The following GFAP variants were observed in gnomAD, a reference collection of about 807,000 sequenced individuals.
GFAP encodes the protein glial fibrillary acidic protein, also known as intermediate filament protein.
A neutral mutation model predicts 49.3 loss-of-function variants in GFAP; 38 were observed. The ratio of observed to expected loss-of-function variants is 0.77; its 90% confidence interval spans 0.60 to 1.01. GFAP has a LOEUF of 1.01. Among genes scored for constraint, GFAP ranks in the 50% least tolerant of loss-of-function variants. The pLI is 0.00. For synonymous variants in GFAP, 222 were observed against 236.4 expected (o/e 0.94, Z 0.56); for missense variants, 463 against 579.1 (o/e 0.80, Z 2.06).
chr17:44,908,334 C>CCCAAGTCCTGGCTGCTCTGTCCAGT lies in GFAP; in HGVS notation c.1172-186_1172-185insACTGGACAGAGCAGCCAGGACTTGG, dbSNP rs68037627. ...CCCCCAAATCCCAATAGTGCTGCTG[C>CCCAAGTCCTGGCTGCTCTGTCCAGT]CAGAGTCCTGGCTGCTCTGTCTTCT... On this transcript the variant is annotated intron_variant, in intron 7 of 8. Transcript: ENST00000588735. The CCCAAGTCCTGGCTGCTCTGTCCAGT allele has an allele frequency of 0.27, 150,442 of 565,012 alleles. 20,859 individuals are homozygous for CCCAAGTCCTGGCTGCTCTGTCCAGT. The highest frequency in any genetic ancestry group is 0.28 in the South Asian group (12,617 of 44,888). The allele number at this position is 565,012 out of a possible 1,614,324, so 35.0% of individuals were successfully genotyped here. A position where few individuals can be genotyped will look rare whatever the true frequency, so the allele number is the denominator to read the frequency against.
rs60238918 is a variant in GFAP at position 44,903,746 on chromosome 17, C to G, written c.*3601G>C. 2.5e-5 allele frequency: 36 copies of G among 1,459,726 alleles called. No individual in the cohort carries two copies. In the East Asian group the frequency reaches 8.4e-4, roughly 34 times the overall value. The allele number at this position is 1,459,726 out of a possible 1,614,324, so 90.4% of individuals were successfully genotyped here. A position where few individuals can be genotyped will look rare whatever the true frequency, so the allele number is the denominator to read the frequency against. ...AATCCTTTCCTCATCTAGAGGCTTC[C>G]GCTTAGCAGAGCTTTCTAGGAGCCC... On this transcript the variant is annotated 3_prime_UTR_variant, in exon 9 of 9. Coordinates refer to ENST00000588735, the MANE Select transcript of GFAP (RefSeq NM_002055.5).
chr17:44,915,006 C>G lies in GFAP; in HGVS notation c.461+20G>C, dbSNP rs757812650. The G allele has an allele frequency of 1.3e-6, 2 of 1,598,480 alleles. No individual in the cohort carries two copies. The highest frequency in any genetic ancestry group is 1.1e-5 in the South Asian group (1 of 90,570). On this transcript the variant is annotated intron_variant, in intron 1 of 8. Coordinates refer to ENST00000588735, the MANE Select transcript of GFAP (RefSeq NM_002055.5). The surrounding 1 kb of genome is among the most constrained non-coding windows in gnomAD (Gnocchi z 4.1). ...AGCCCCTTCTGCTCACAAGGCCCCCCTTCCCCATCCCCTCCTCACTTCTGC... is the reference window on the plus strand; with the variant it reads ...AGCCCCTTCTGCTCACAAGGCCCCCGTTCCCCATCCCCTCCTCACTTCTGC...
chr17:44,907,226 A>G lies in GFAP; in HGVS notation c.*121T>C. 1 of 889,278 alleles carries G rather than the reference A, an allele frequency of 1.1e-6. No homozygotes were observed. The highest frequency in any genetic ancestry group is 1.9e-6 in the Non-Finnish European group (1 of 533,850). The allele number at this position is 889,278 out of a possible 1,614,324, so 55.1% of individuals were successfully genotyped here. The stretch of plus-strand genomic sequence containing the variant: ...GACCTAGGGACAGAGGAGGGAGGGG[A>G]GCAGCTGGGGTGGTGGGGAGCTCAG... On this transcript the variant is annotated 3_prime_UTR_variant, in exon 9 of 9. Coordinates refer to ENST00000588735, the MANE Select transcript of GFAP (RefSeq NM_002055.5).
At chr17:44,908,261 A>G (rs759501770) in intron 7 of GFAP, 112 bp from the exon 8 acceptor site, 2 of 760,744 alleles carry the variant, frequency 2.6e-6, no homozygotes, top group Non-Finnish European at 2.4e-6. Context: ...ATGAGAACCT[A>G]TGCAACCGAG....
intron 7 of GFAP, chr17:44,910,265 A>G: frequency 6.2e-7 from 1 of 1,613,884 alleles, no homozygotes; most frequent in Non-Finnish European, 8.5e-7. Flanking sequence ...TGCCCCCTGT[A>G]GTGACAAGCA....
rs961985966 is a variant in GFAP, at chr17:44,910,440, T to G, written c.1171+175A>C. 3.8e-6 allele frequency: 6 copies of G among 1,575,282 alleles called. No homozygotes were observed. The African/African-American group carries it at 4.1e-5, about 11-fold the overall frequency. On this transcript the variant is annotated intron_variant, in intron 7 of 8. Transcript: ENST00000588735. ...GACAGGGGCAGCTGCAAGCCCCACC[T>G]AGAAGTACCCTGGTATGATAGGCTC... is the stretch of plus-strand genomic sequence containing the variant.
chr17:44,914,388 C>T, intron 1 of GFAP: 1 of 433,352 alleles, frequency 2.3e-6, no homozygotes, highest in South Asian at 3.2e-5. Flanking sequence ...CACACACGCA[C>T]ATGTCCTCCT....
Position 44,903,727 on chromosome 17 carries a change from T to A in GFAP, c.*3620A>T. 1 of 1,448,032 alleles carries A rather than the reference T, an allele frequency of 6.9e-7. No individual in the cohort carries two copies. 89.7% of individuals were successfully genotyped at this position (1,448,032 alleles called of 1,614,324 possible). On this transcript the variant is annotated 3_prime_UTR_variant, in exon 9 of 9. Coordinates refer to ENST00000588735, the MANE Select transcript of GFAP (RefSeq NM_002055.5). ...CTGCTTTTCCTGGCTGCATAATCCTTTCCTCATCTAGAGGCTTCCGCTTAG... is the reference window on the plus strand; with the variant it reads ...CTGCTTTTCCTGGCTGCATAATCCTATCCTCATCTAGAGGCTTCCGCTTAG...
Position 44,914,373 on chromosome 17 carries a change from A to ACC in GFAP, c.462-286_462-285insGG, listed in dbSNP as rs75394426. On this transcript the variant is annotated intron_variant, in intron 1 of 8. Coordinates refer to ENST00000588735, the MANE Select transcript of GFAP (RefSeq NM_002055.5). ...AGCATACACTCACTGTTGCACACAC[A>ACC]CACACACACACGCACATGTCCTCCT... 0.21 allele frequency: 99,751 copies of ACC among 477,388 alleles called. 11,673 individuals carry two copies. The highest frequency in any genetic ancestry group is 0.3 in the African/African-American group (15,457 of 51,394). The allele number at this position is 477,388 out of a possible 1,614,324, so 29.6% of individuals were successfully genotyped here. A position where few individuals can be genotyped will look rare whatever the true frequency, so the allele number is the denominator to read the frequency against.
Position 44,904,978 on chromosome 17 carries a change from A to AGGCT in GFAP, c.*2365_*2368dup, listed in dbSNP as rs1489715882. The AGGCT allele has an allele frequency of 6.4e-7, 1 of 1,550,764 alleles. No individual in the cohort carries two copies. Among genetic ancestry groups the AGGCT allele is most frequent in the Middle Eastern group, 1.7e-4 (1 of 5,994 alleles). ...GCTCGGCTGTGGAGCTCACCCTGATAGGCTACCTGCTCATCACAGCAGTCT... is the reference window on the plus strand; with the variant it reads ...GCTCGGCTGTGGAGCTCACCCTGATAGGCTGGCTACCTGCTCATCACAGCAGTCT... On this transcript the variant is annotated 3_prime_UTR_variant, in exon 9 of 9. Transcript: ENST00000588735.
At position 44,914,214 on chromosome 17, in the gene GFAP, G is replaced by A. The variant is rs2051852112; in HGVS notation, c.462-126C>T. 18 of 701,672 alleles carry A rather than the reference G, an allele frequency of 2.6e-5. No homozygotes were observed. In the Admixed American group the frequency reaches 3.9e-4, roughly 15 times the overall value. 43.5% of individuals were successfully genotyped at this position (701,672 alleles called of 1,614,324 possible). ...CCCAGGACCAGTAGAGCAGCAGGAG[G>A]ATTAAGGGTTGGGGGGCCTTAGACA... On this transcript the variant is annotated intron_variant, in intron 1 of 8. Coordinates refer to ENST00000588735, the MANE Select transcript of GFAP (RefSeq NM_002055.5).
At chr17:44,910,480 G>A (rs187293274) in intron 7 of GFAP, 135 bp downstream of exon 7, 6 of 1,554,406 alleles carry the variant, frequency 3.9e-6, no homozygotes, top group Middle Eastern at 3.3e-4. Context: ...TAGGAGCGCT[G>A]CAGTGTCACG....
At chr17:44,908,380 C>G in intron 7 of GFAP, 1 of 483,066 alleles carries the variant, frequency 2.1e-6, no homozygotes, top group Non-Finnish European at 3.7e-6. Flanking sequence ...CATTTCAGCC[C>G]CTCTGCAAGC....
chr17:44,911,189 C>T (rs1477716996), intron 6 of GFAP, 47 bp downstream of exon 6: 2 of 1,532,124 alleles, frequency 1.3e-6, no homozygotes, highest in South Asian at 1.1e-5. Flanking sequence ...TGAGCTCTAC[C>T]GTGAGGCAGC....
At chr17:44,909,481 C>T (rs2051709012) in intron 7 of GFAP, 1 of 152,120 alleles carries the variant, frequency 6.6e-6, no homozygotes, top group South Asian at 2.1e-4. Context: ...CCTGGTTAGC[C>T]TTTCTGATGC....
At chr17:44,907,801 G>C (rs780873679) in intron 8 of GFAP, 4 of 585,778 alleles carry the variant, frequency 6.8e-6, no homozygotes, top group East Asian at 2.9e-5. Context: ...CAAGGCCCCC[G>C]AGTTTGAGGG....
In GFAP at chr17:44,903,865, A is replaced by G. The variant is rs1381454149; in HGVS notation, c.*3482T>C. ...CCCTCACCACTGTGCTCCTGTGGGC[A>G]TGGGGGCTCCAGGCCTTTGAAATTG... On this transcript the variant is annotated 3_prime_UTR_variant, in exon 9 of 9. Transcript: ENST00000588735. 7 of 1,535,688 alleles carry G rather than the reference A, an allele frequency of 4.6e-6. No individual in the cohort carries two copies. Among genetic ancestry groups the G allele is most frequent in the Non-Finnish European group, 5.3e-6 (6 of 1,139,776 alleles).
At chr17:44,909,831 A>T in intron 7 of GFAP, 1 of 1,226,472 alleles carries the variant, frequency 8.2e-7, no homozygotes, top group Non-Finnish European at 1.0e-6. Flanking sequence ...AGCGAGACCC[A>T]AGGGGCCCTC....
chr17:44,903,480 A>G lies in GFAP; in HGVS notation c.*3867T>C. On this transcript the variant is annotated 3_prime_UTR_variant, in exon 9 of 9. Transcript: ENST00000588735. Reference sequence around the variant, plus strand: ...GGCAGGGCCTGGAGCACTGAGGCAGAGATCTCCCTGCCCGAGCACCTCGGC... The same window carrying G: ...GGCAGGGCCTGGAGCACTGAGGCAGGGATCTCCCTGCCCGAGCACCTCGGC... 7.9e-7 allele frequency: 1 copy of G among 1,271,358 alleles called. No individual in the cohort carries two copies. Among genetic ancestry groups the G allele is most frequent in the Non-Finnish European group, 9.9e-7 (1 of 1,011,584 alleles). 78.8% of individuals were successfully genotyped at this position (1,271,358 alleles called of 1,614,324 possible). A position where few individuals can be genotyped will look rare whatever the true frequency, so the allele number is the denominator to read the frequency against.
Sources: allele counts gnomAD v4.1 joint callset, GRCh38; gene constraint gnomAD v4.1.1; non-coding constraint Gnocchi (gnomAD v3.1); transcripts MANE v1.5; gene names NCBI Gene and HGNC (gene_info 2026-07-23, HGNC 2026-07-21).